GPM6A: variants seen among roughly 807,000 people sequenced by gnomAD.
GPM6A encodes the protein glycoprotein M6A.
GPM6A carries 7 observed loss-of-function variants against 32.1 expected under a neutral mutation model. The ratio of observed to expected loss-of-function variants is 0.22; its 90% confidence interval spans 0.12 to 0.41. The LOEUF is 0.41. GPM6A is among the 10% of genes least tolerant of loss of function. GPM6A has a pLI of 1.00. For synonymous variants in GPM6A, 130 were observed against 123.4 expected, an observed-to-expected ratio of 1.05 and a Z score of -0.35; for missense variants, 235 against 347.2, an observed-to-expected ratio of 0.68 and a Z score of 2.57.
At chr4:175,957,461 G>C (rs954549669) in intron 1 of GPM6A, among the ~76,000 whole-genome samples, 3 of 150,782 alleles carry the variant, frequency 2.0e-5, no homozygotes, top group African/African-American at 7.3e-5. Context: ...ACTAACACAA[G>C]AACAGAAAAC....
At chr4:175,677,571 A>T (rs1262900520) in intron 2 of GPM6A, among the ~76,000 whole-genome samples, 3 of 152,212 alleles carry the variant, frequency 2.0e-5, no homozygotes. Flanking sequence ...ATTTGGCCAA[A>T]AAAAGTGCTT....
chr4:175,801,767 G>T (rs1305210184), intron 1 of GPM6A, among the ~76,000 whole-genome samples: 1 of 152,088 alleles, frequency 6.6e-6, no homozygotes, highest in Non-Finnish European at 1.5e-5. Flanking sequence ...CATTACTGCA[G>T]AATTTAAAAG....
chr4:175,690,013 CCT>C (rs1291048364), intron 2 of GPM6A, among the ~76,000 whole-genome samples: 2 of 152,148 alleles, frequency 1.3e-5, no homozygotes, highest in African/African-American at 4.8e-5. Flanking sequence ...GCTCTTGTCC[CCT>C]GTTTCAACAT....
intron 1 of GPM6A, among the ~76,000 whole-genome samples, chr4:175,757,198 G>A (rs1401705242): frequency 6.6e-6 from 1 of 152,006 alleles, no homozygotes; most frequent in East Asian, 1.9e-4. Context: ...AAGTCAGAGC[G>A]AAGCTATGAG....
At chr4:175,652,055 C>T (rs762721812) in intron 3 of GPM6A, 68 bp from the exon 4 acceptor site, 1 of 1,216,248 alleles carries the variant, frequency 8.2e-7, no homozygotes, top group East Asian at 2.5e-5. Flanking sequence ...TGTGTTTAAT[C>T]TGCAAAGCTC....
At position 175,741,657 on chromosome 4, in the gene GPM6A, G is replaced by T. The variant is rs1339279617; in HGVS notation, c.38-39890C>A. ...ACAAACATCACACTCACACTTGTGG[G>T]TTTGCATTGTTAATGACTAACCTAG... On this transcript the variant is annotated intron_variant, in intron 1 of 6. Transcript: ENST00000393658. Among the ~76,000 whole-genome samples the T allele has an allele frequency of 4.6e-5, 7 of 151,994 alleles. 1 individual carries two copies. Among genetic ancestry groups the T allele is most frequent in the Admixed American group, 3.3e-4 (5 of 15,232 alleles).
chr4:175,772,784 A>G (rs1733242905), intron 1 of GPM6A, among the ~76,000 whole-genome samples: 1 of 152,108 alleles, frequency 6.6e-6, no homozygotes, highest in African/African-American at 2.4e-5. Context: ...TTTACACCAA[A>G]ATACAAAGAG....
intron 4 of GPM6A, among the ~76,000 whole-genome samples, chr4:175,644,117 G>GT (rs1223083455): frequency 7.4e-4 from 82 of 110,608 alleles, no homozygotes; most frequent in South Asian, 1.8e-3. Flanking sequence ...AAACTTTTCC[G>GT]TTTGTTTTTT....
chr4:175,812,306 T>TTTTG, upstream of GPM6A: 1 of 1,039,286 alleles, frequency 9.6e-7, no homozygotes, highest in Non-Finnish European at 1.2e-6. Context: ...TGGGGGTTTT[T>TTTTG]TTTTTTTTTT....
chr4:175,959,241 A>G (rs1740088711), intron 1 of GPM6A, among the ~76,000 whole-genome samples: 1 of 152,162 alleles, frequency 6.6e-6, no homozygotes. Flanking sequence ...AACTCTCTAT[A>G]TTCACATTTT....
At chr4:175,889,796 G>C (rs1737583228) in intron 1 of GPM6A, among the ~76,000 whole-genome samples, 1 of 152,086 alleles carries the variant, frequency 6.6e-6, no homozygotes, top group South Asian at 2.1e-4. Context: ...CTGGGTGACA[G>C]AGCGAGACTC....
At chr4:175,640,891 A>T (rs1741101629) in intron 4 of GPM6A, 62 bp from the exon 5 acceptor site, 1 of 1,065,084 alleles carries the variant, frequency 9.4e-7, no homozygotes, top group African/African-American at 1.6e-5. Context: ...AAGAGAGAAA[A>T]AAATGAGTTT....
chr4:175,873,023 T>G (rs1736959534), intron 1 of GPM6A, among the ~76,000 whole-genome samples: 1 of 152,166 alleles, frequency 6.6e-6, no homozygotes, highest in Admixed American at 6.5e-5. Context: ...GGAAGAAGAA[T>G]AAGATATTAA....
At chr4:175,818,824 C>G (rs1283053779) in intron 1 of GPM6A, among the ~76,000 whole-genome samples, 6 of 152,116 alleles carry the variant, frequency 3.9e-5, no homozygotes, top group Non-Finnish European at 5.9e-5. Flanking sequence ...TTTCAAAGAG[C>G]AACCAGCAAA....
At chr4:175,691,703 T>G (rs1744308379) in intron 2 of GPM6A, among the ~76,000 whole-genome samples, 1 of 152,210 alleles carries the variant, frequency 6.6e-6, no homozygotes. Flanking sequence ...CCAGTGATGC[T>G]CACATCATTA....
chr4:175,724,576 A>G lies in GPM6A; in HGVS notation c.38-22809T>C, dbSNP rs527664028. Among the ~76,000 whole-genome samples, 237 of 152,254 alleles carry G rather than the reference A, an allele frequency of 1.6e-3. 1 individual carries two copies. Among genetic ancestry groups the G allele is most frequent in the Non-Finnish European group, 2.7e-3 (181 of 68,018 alleles). ...AAAATTTTTTTTAACTTATAGAATC[A>G]GAGAGTAGAATGGCACTTACAGACG... On this transcript the variant is annotated intron_variant, in intron 1 of 6. Transcript: ENST00000393658.
At chr4:175,897,427 G>A (rs1009141498) in intron 1 of GPM6A, among the ~76,000 whole-genome samples, 6 of 152,132 alleles carry the variant, frequency 3.9e-5, no homozygotes, top group Admixed American at 6.5e-5. Context: ...TGTGAAATGC[G>A]GTCTGCAGAG....
rs575915731 is a variant in GPM6A at position 175,738,263 on chromosome 4, A to G, written c.38-36496T>C. Among the ~76,000 whole-genome samples, 5 of 152,186 alleles carry G rather than the reference A, an allele frequency of 3.3e-5. No individual in the cohort carries two copies. The East Asian group carries it at 7.7e-4, about 24-fold the overall frequency. ...GGTCCCACTTCTAACACTGGGGATT[A>G]CTTTTCAACATGAAATTTGGAGGGA... is the stretch of plus-strand genomic sequence containing the variant. On this transcript the variant is annotated intron_variant, in intron 1 of 6. Transcript: ENST00000393658.
At chr4:175,978,106 C>T (rs1361789828) in intron 1 of GPM6A, among the ~76,000 whole-genome samples, 2 of 151,960 alleles carry the variant, frequency 1.3e-5, no homozygotes, top group Non-Finnish European at 2.9e-5. Context: ...CTGTTTTCAC[C>T]CTGCTATAAA....
Sources: gnomAD v4.1 joint callset for allele counts (sites outside exome capture counted in the v4.1 genomes callset) on GRCh38, gnomAD v4.1.1 for gene constraint, MANE v1.5 for transcripts, NCBI Gene and HGNC (gene_info 2026-07-23, HGNC 2026-07-21) for gene names.